The following DPP10 variants were observed in gnomAD, a reference collection of about 807,000 sequenced individuals.
DPP10 encodes dipeptidyl peptidase like 10.
Under a neutral mutation model 120.9 loss-of-function variants are expected in DPP10, and 33 were observed. That is an observed-to-expected ratio of 0.27 (90% CI 0.21 to 0.37). DPP10 has a LOEUF of 0.37. Ranked by LOEUF, DPP10 falls within the 10% of genes least tolerant of loss-of-function variation. The pLI is 1.00. For missense variants in DPP10, 816 were observed against 942.8 expected, an observed-to-expected ratio of 0.87 and a Z score of 1.76; for synonymous variants, 337 against 326.1, an observed-to-expected ratio of 1.03 and a Z score of -0.36.
At chr2:115,476,863 T>G (rs994724743) in intron 3 of DPP10, among the ~76,000 whole-genome samples, 1 of 152,050 alleles carries the variant, frequency 6.6e-6, no homozygotes, top group Non-Finnish European at 1.5e-5. Context: ...GTTCAACATA[T>G]AAAAATCAAT....
intron 4 of DPP10, among the ~76,000 whole-genome samples, chr2:115,512,036 C>G (rs538805913): frequency 6.6e-6 from 1 of 151,446 alleles, no homozygotes; most frequent in East Asian, 2.0e-4. Flanking sequence ...AAGACTTCCT[C>G]CCTCCCTTCC....
intron 3 of DPP10, among the ~76,000 whole-genome samples, chr2:115,368,823 C>T (rs937609235): frequency 6.6e-6 from 1 of 150,730 alleles, no homozygotes; most frequent in Admixed American, 6.6e-5. Flanking sequence ...TAATTTAATT[C>T]CAAAATATTT....
intron 3 of DPP10, among the ~76,000 whole-genome samples, chr2:115,420,518 G>A (rs1434308909): frequency 2.6e-5 from 4 of 152,138 alleles, no homozygotes; most frequent in African/African-American, 9.7e-5. Flanking sequence ...TAGTAAAAAT[G>A]AAATATTATT....
At chr2:115,651,591 A>C (rs2087777335) in intron 5 of DPP10, among the ~76,000 whole-genome samples, 1 of 152,058 alleles carries the variant, frequency 6.6e-6, no homozygotes, top group Non-Finnish European at 1.5e-5. Context: ...ATACCAAGAT[A>C]AAAAGAATGC....
At chr2:114,853,006 C>G (rs1248705679) in intron 1 of DPP10, among the ~76,000 whole-genome samples, 1 of 152,106 alleles carries the variant, frequency 6.6e-6, no homozygotes, top group Non-Finnish European at 1.5e-5. Context: ...CTTGTGCTGT[C>G]TGGACTCAGG....
At chr2:114,831,161 G>A (rs1167065151) in intron 1 of DPP10, among the ~76,000 whole-genome samples, 1 of 146,652 alleles carries the variant, frequency 6.8e-6, no homozygotes, top group Non-Finnish European at 1.5e-5. Flanking sequence ...GAAATAAAAT[G>A]TATTAATGTT....
intron 1 of DPP10, among the ~76,000 whole-genome samples, chr2:114,974,627 T>C (rs1231175063): frequency 2.6e-5 from 4 of 152,034 alleles, no homozygotes; most frequent in African/African-American, 9.7e-5. Context: ...CAGGGTGATC[T>C]TGAACTCCTG....
rs553937434 is a variant in DPP10 at position 115,559,132 on chromosome 2, G to T, written c.441+33160G>T. ...TTGTTCCCCAAATACTTTCCAGATT[G>T]ACTATATATACTATTTCTTGAAATA... On this transcript the variant is annotated intron_variant, in intron 5 of 25. Transcript: ENST00000410059. 3.3e-5 allele frequency among the ~76,000 whole-genome samples: 5 copies of T among 152,288 alleles called. No individual in the cohort carries two copies. In the East Asian group the frequency reaches 5.8e-4, roughly 18 times the overall value.
chr2:115,376,806 GT>G (rs1314001687), intron 3 of DPP10, among the ~76,000 whole-genome samples: 2 of 149,964 alleles, frequency 1.3e-5, no homozygotes, highest in Admixed American at 6.7e-5. Context: ...GTGGTGTTTG[GT>G]TTTTTGTTCT....
At chr2:115,380,125 T>G (rs1458341157) in intron 3 of DPP10, among the ~76,000 whole-genome samples, 2 of 152,192 alleles carry the variant, frequency 1.3e-5, no homozygotes, top group Non-Finnish European at 2.9e-5. Flanking sequence ...TTCTGTCTCG[T>G]TGATCTGTCT....
At chr2:115,359,712 C>A (rs975072319) in intron 3 of DPP10, among the ~76,000 whole-genome samples, 2 of 152,036 alleles carry the variant, frequency 1.3e-5, no homozygotes, top group Non-Finnish European at 2.9e-5. Flanking sequence ...AATTTGTTTT[C>A]CAAGTTGCTT....
chr2:114,862,341 A>T (rs1325492646), intron 1 of DPP10, among the ~76,000 whole-genome samples: 2 of 152,140 alleles, frequency 1.3e-5, no homozygotes, highest in Non-Finnish European at 2.9e-5. Flanking sequence ...TTCTTTTTCT[A>T]CCCTAAGATT....
intron 1 of DPP10, among the ~76,000 whole-genome samples, chr2:115,242,831 A>T (rs1402102860): frequency 6.6e-6 from 1 of 152,096 alleles, no homozygotes; most frequent in Non-Finnish European, 1.5e-5. Context: ...GGCCATTTCT[A>T]TATTTTCTTT....
At chr2:115,829,425 T>C (rs1300682729) in intron 21 of DPP10, among the ~76,000 whole-genome samples, 2 of 152,158 alleles carry the variant, frequency 1.3e-5, no homozygotes, top group African/African-American at 4.8e-5. Flanking sequence ...TGCTTCATTA[T>C]AACTCATTTT....
chr2:115,044,189 C>T (rs912209979), intron 1 of DPP10, among the ~76,000 whole-genome samples: 1 of 151,996 alleles, frequency 6.6e-6, no homozygotes. Flanking sequence ...CTGTAATTGA[C>T]TCACGCTTCT....
At chr2:115,805,314 C>T (rs938045293) in intron 19 of DPP10, among the ~76,000 whole-genome samples, 1 of 152,106 alleles carries the variant, frequency 6.6e-6, no homozygotes, top group Non-Finnish European at 1.5e-5. Context: ...ACCCGATTTT[C>T]CAGGTGCCAT....
At chr2:115,330,042 G>A (rs541871193) in intron 2 of DPP10, among the ~76,000 whole-genome samples, 49 of 152,112 alleles carry the variant, frequency 3.2e-4, no homozygotes, top group Non-Finnish European at 4.4e-4. Flanking sequence ...GAACTAGTTT[G>A]CAGTCCCACC....
intron 3 of DPP10, among the ~76,000 whole-genome samples, chr2:115,494,120 T>C (rs1202279688): frequency 1.3e-5 from 2 of 152,062 alleles, no homozygotes; most frequent in African/African-American, 4.8e-5. Flanking sequence ...AATTTTTTTA[T>C]GTTTAGTAGA....
intron 1 of DPP10, among the ~76,000 whole-genome samples, chr2:114,739,764 A>T: frequency 6.6e-6 from 1 of 152,166 alleles, no homozygotes; most frequent in East Asian, 1.9e-4. Context: ...GAACTTCTCC[A>T]TTGCATGCAA....
Sources: allele counts gnomAD v4.1 joint callset (sites outside exome capture counted in the v4.1 genomes callset), GRCh38; gene constraint gnomAD v4.1.1; transcripts MANE v1.5; gene names NCBI Gene and HGNC (gene_info 2026-07-23, HGNC 2026-07-21).